SH3BGRL: variants seen among roughly 807,000 people sequenced by gnomAD.
The protein encoded by SH3BGRL is SH3 domain binding glutamate rich protein like.
SH3BGRL carries 7 observed loss-of-function variants against 9.8 expected under a neutral mutation model. That is an observed-to-expected ratio of 0.72 (90% confidence interval 0.41 to 1.35). The LOEUF (loss-of-function observed/expected upper bound fraction) is 1.35, where lower values mean the gene tolerates loss of function less well. Ranked by LOEUF, SH3BGRL falls within the 40% of genes most tolerant of loss-of-function variation. The pLI is 0.01. For synonymous variants in SH3BGRL, 36 were observed against 29.1 expected, an observed-to-expected ratio of 1.24 and a Z score of -0.76; for missense variants, 73 against 84.4, an observed-to-expected ratio of 0.86 and a Z score of 0.53.
chrX:81,239,162 A>T (rs1569361620), intron 1 of SH3BGRL, among the ~76,000 whole-genome samples: 1 of 112,169 alleles, frequency 8.9e-6, no homozygotes, highest in Non-Finnish European at 1.9e-5. Flanking sequence ...GGAAAACATG[A>T]CCTCATTAAT....
chrX:81,260,091 G>A (rs1290914284), intron 1 of SH3BGRL, among the ~76,000 whole-genome samples: 1 of 111,295 alleles, frequency 9.0e-6, no homozygotes, highest in African/African-American at 3.3e-5. Flanking sequence ...ATAACCAACA[G>A]GTATTCTTGT....
rs2075879870 is a variant in SH3BGRL at position 81,297,617 on chromosome X, A to G, written c.*390A>G. 1 of 117,390 alleles carries G rather than the reference A, an allele frequency of 8.5e-6. No individual in the cohort carries two copies. Among genetic ancestry groups the G allele is most frequent in the Non-Finnish European group, 1.8e-5 (1 of 56,983 alleles). 9.7% of individuals were successfully genotyped at this position (117,390 alleles called of 1,213,427 possible). On this transcript the variant is annotated 3_prime_UTR_variant, in exon 4 of 4. Coordinates refer to ENST00000373212, the MANE Select transcript of SH3BGRL (RefSeq NM_003022.3). ...GAGAAATAACCTGTCTCTCATTCCT[A>G]AGTTGCCTCATTAATTTTCATGAAC... is the stretch of plus-strand genomic sequence containing the variant.
At chrX:81,211,666 A>G (rs1424070906) in intron 1 of SH3BGRL, among the ~76,000 whole-genome samples, 1 of 111,431 alleles carries the variant, frequency 9.0e-6, no homozygotes, top group Non-Finnish European at 1.9e-5. Context: ...GCTTCCAGCA[A>G]ATATAAAGCA....
chrX:81,225,017 A>T (rs2075612431), intron 1 of SH3BGRL, among the ~76,000 whole-genome samples: 1 of 110,897 alleles, frequency 9.0e-6, no homozygotes, highest in Admixed American at 9.7e-5. Flanking sequence ...TTGATGAATG[A>T]TATGTGAAAC....
intron 1 of SH3BGRL, among the ~76,000 whole-genome samples, chrX:81,275,831 G>A (rs1208484566): frequency 8.9e-6 from 1 of 111,758 alleles, no homozygotes; most frequent in Non-Finnish European, 1.9e-5. Flanking sequence ...TGTGATGAGA[G>A]AGAAAATTAT....
At chrX:81,289,622 C>G (rs1280139568) in intron 3 of SH3BGRL, among the ~76,000 whole-genome samples, 4 of 111,274 alleles carry the variant, frequency 3.6e-5, no homozygotes, top group African/African-American at 1.3e-4. Context: ...CTTTGGGAGA[C>G]TAAGACGGGC....
chrX:81,285,773 G>C (rs1204227890), intron 3 of SH3BGRL, among the ~76,000 whole-genome samples: 2 of 111,367 alleles, frequency 1.8e-5, no homozygotes, highest in African/African-American at 6.5e-5. Context: ...TGAAGAAAAT[G>C]AAAATTTGTG....
rs1006619240 is a variant in SH3BGRL, at chrX:81,222,301, T to C, written c.45+20056T>C. On this transcript the variant is annotated intron_variant, in intron 1 of 3. Coordinates refer to ENST00000373212, the MANE Select transcript of SH3BGRL (RefSeq NM_003022.3). The stretch of plus-strand genomic sequence containing the variant: ...CTCGTCATTTAACATTAGGTATATC[T>C]CCTAATGCTATCCCTCCCCCCTCCC... Among the ~76,000 whole-genome samples, 7 of 106,523 alleles carry C rather than the reference T, an allele frequency of 6.6e-5. No homozygotes were observed. In the Admixed American group the frequency reaches 7.0e-4, roughly 11 times the overall value. The allele number at this position is 106,523 out of a possible 115,157, so 92.5% of individuals were successfully genotyped here. A position where few individuals can be genotyped will look rare whatever the true frequency, so the allele number is the denominator to read the frequency against.
intron 1 of SH3BGRL, among the ~76,000 whole-genome samples, chrX:81,268,278 C>G (rs1411363782): frequency 1.8e-5 from 2 of 110,383 alleles, no homozygotes. Context: ...AATTTGTTTG[C>G]TCTTTCTTCT....
chrX:81,221,895 C>T (rs189406447), intron 1 of SH3BGRL, among the ~76,000 whole-genome samples: 2 of 112,008 alleles, frequency 1.8e-5, no homozygotes, highest in African/African-American at 6.5e-5. Context: ...GTCTGTTCCA[C>T]CTTTATCACC....
intron 1 of SH3BGRL, among the ~76,000 whole-genome samples, chrX:81,212,326 G>A (rs1490547296): frequency 9.0e-6 from 1 of 111,549 alleles, no homozygotes; most frequent in African/African-American, 3.3e-5. Flanking sequence ...GTGGTGATGA[G>A]ACAATTTGCC....
chrX:81,234,340 C>T (rs1272785837), intron 1 of SH3BGRL, among the ~76,000 whole-genome samples: 1 of 111,625 alleles, frequency 9.0e-6, no homozygotes, highest in African/African-American at 3.2e-5. Context: ...AATGGTTTTC[C>T]TCATTTTCTT....
At chrX:81,264,666 T>G (rs894298854) in intron 1 of SH3BGRL, among the ~76,000 whole-genome samples, 1 of 110,939 alleles carries the variant, frequency 9.0e-6, no homozygotes, top group African/African-American at 3.3e-5. Context: ...CTGTCTTCAT[T>G]ACCTGATTCA....
chrX:81,283,822 A>C (rs2075825660), intron 3 of SH3BGRL, among the ~76,000 whole-genome samples: 1 of 111,291 alleles, frequency 9.0e-6, no homozygotes, highest in African/African-American at 3.3e-5. Flanking sequence ...TAGCCATTGC[A>C]ATCAGACAAG....
At chrX:81,268,328 A>G (rs2075764973) in intron 1 of SH3BGRL, among the ~76,000 whole-genome samples, 1 of 110,287 alleles carries the variant, frequency 9.1e-6, no homozygotes, top group Non-Finnish European at 1.9e-5. Context: ...TCGATTTTAG[A>G]CCTTTCCTGT....
intron 1 of SH3BGRL, among the ~76,000 whole-genome samples, chrX:81,209,577 A>G (rs771719456): frequency 9.9e-5 from 11 of 111,239 alleles, no homozygotes; most frequent in African/African-American, 3.6e-4. Context: ...TTCAGAACCC[A>G]CTCCTAAACA....
intron 1 of SH3BGRL, among the ~76,000 whole-genome samples, chrX:81,203,044 C>A (rs1398245845): frequency 8.9e-6 from 1 of 111,899 alleles, no homozygotes; most frequent in Non-Finnish European, 1.9e-5. Flanking sequence ...AGGACTTTCT[C>A]TTTCATGGAT....
At chrX:81,290,961 A>G (rs1226930489) in intron 3 of SH3BGRL, among the ~76,000 whole-genome samples, 3 of 111,862 alleles carry the variant, frequency 2.7e-5, no homozygotes, top group Admixed American at 1.9e-4. Context: ...TTTTTGCATT[A>G]TTATACAACT....
intron 1 of SH3BGRL, among the ~76,000 whole-genome samples, chrX:81,239,897 A>G (rs1372280180): frequency 8.9e-6 from 1 of 112,392 alleles, no homozygotes. Flanking sequence ...GAACAACTTT[A>G]ACCCAAGAAT....
Sources: gnomAD v4.1 joint callset for allele counts (sites outside exome capture counted in the v4.1 genomes callset) on GRCh38, gnomAD v4.1.1 for gene constraint, MANE v1.5 for transcripts, NCBI Gene and HGNC (gene_info 2026-07-23, HGNC 2026-07-21) for gene names.